Variants in FAF1 observed in about 807,000 individuals in gnomAD.
FAF1 encodes the protein Fas associated factor 1, also known as FAS-associated factor 1.
FAF1 carries 25 observed loss-of-function variants against 92.5 expected under a neutral mutation model. The ratio of observed to expected loss-of-function variants is 0.27; its 90% CI spans 0.20 to 0.38. The LOEUF (loss-of-function observed/expected upper bound fraction) is 0.38. FAF1 is among the 10% of genes least tolerant of loss of function. The pLI is 1.00. For synonymous variants in FAF1, 234 were observed against 273.2 expected (o/e 0.86, Z 1.42); for missense variants, 636 against 793.3 (o/e 0.80, Z 2.38).
chr1:50,663,778 T>C (rs1655500183), intron 7 of FAF1, among the ~76,000 whole-genome samples: 1 of 151,660 alleles, frequency 6.6e-6, no homozygotes, highest in Non-Finnish European at 1.5e-5. Flanking sequence ...TTACTGATAC[T>C]AAAATTCTTT....
chr1:50,540,602 G>A (rs1428756315), intron 13 of FAF1, among the ~76,000 whole-genome samples: 1 of 152,108 alleles, frequency 6.6e-6, no homozygotes, highest in East Asian at 1.9e-4. Context: ...TTCTTAACAC[G>A]ATCTGGAATA....
intron 12 of FAF1, among the ~76,000 whole-genome samples, chr1:50,574,913 T>G (rs1268909962): frequency 7.5e-6 from 1 of 133,534 alleles, no homozygotes; most frequent in African/African-American, 2.9e-5. Flanking sequence ...TTTTTTTTTT[T>G]TTTTTTTTTT....
intron 2 of FAF1, among the ~76,000 whole-genome samples, chr1:50,830,355 C>T (rs1033348600): frequency 6.6e-6 from 1 of 152,186 alleles, no homozygotes; most frequent in Admixed American, 6.5e-5. Flanking sequence ...AGTGATCTGC[C>T]CACCTCAGCC....
intron 8 of FAF1, among the ~76,000 whole-genome samples, chr1:50,640,295 G>GTTT (rs937840700): frequency 7.0e-6 from 1 of 142,094 alleles, no homozygotes; most frequent in Non-Finnish European, 1.5e-5. Context: ...GTTGTGGCAA[G>GTTT]TTTTTTTTTT....
chr1:50,839,662 C>T (rs1031043547), intron 2 of FAF1, among the ~76,000 whole-genome samples: 5 of 152,042 alleles, frequency 3.3e-5, no homozygotes, highest in Admixed American at 1.3e-4. Context: ...AGATGGCTAA[C>T]GAACCTGTTT....
At chr1:50,745,108 T>TGA (rs1659537470) in intron 4 of FAF1, among the ~76,000 whole-genome samples, 1 of 151,916 alleles carries the variant, frequency 6.6e-6, no homozygotes, top group South Asian at 2.1e-4. Context: ...ACCAACATGG[T>TGA]GAAACTCTGT....
intron 8 of FAF1, among the ~76,000 whole-genome samples, chr1:50,607,115 C>T (rs1652465031): frequency 6.6e-6 from 1 of 152,184 alleles, no homozygotes; most frequent in South Asian, 2.1e-4. Context: ...TTTAACTAGC[C>T]TGTAAGCCAC....
rs1263810053 is a variant in FAF1, at chr1:50,959,928, G to T, written c.-117C>A. 3.5e-6 allele frequency: 2 copies of T among 563,840 alleles called. No individual in the cohort carries two copies. Among genetic ancestry groups the T allele is most frequent in the South Asian group, 8.0e-5 (1 of 12,526 alleles). 34.9% of individuals were successfully genotyped at this position (563,840 alleles called of 1,614,324 possible). On this transcript the variant is annotated 5_prime_UTR_variant, in exon 1 of 19. Transcript: ENST00000396153. ...CGCCGCCGGGCGCCGAGGGGCTGGC[G>T]GGCGAGCCGGCGGGCGGGTCGGCGG... is the stretch of plus-strand genomic sequence containing the variant.
chr1:50,537,777 T>G (rs1572817247), intron 14 of FAF1, among the ~76,000 whole-genome samples: 1 of 152,264 alleles, frequency 6.6e-6, no homozygotes, highest in African/African-American at 2.4e-5. Flanking sequence ...CACTAACCAG[T>G]TACAATATAT....
chr1:50,710,716 C>T (rs1300270733), intron 6 of FAF1, among the ~76,000 whole-genome samples: 1 of 151,558 alleles, frequency 6.6e-6, no homozygotes, highest in Non-Finnish European at 1.5e-5. Flanking sequence ...GATTCTCCTG[C>T]CCCAGCCTCC....
chr1:50,689,806 T>G (rs1310032771), intron 7 of FAF1, among the ~76,000 whole-genome samples: 1 of 152,142 alleles, frequency 6.6e-6, no homozygotes, highest in African/African-American at 2.4e-5. Flanking sequence ...CTTAAAAACA[T>G]GCCATTCTAT....
chr1:50,853,323 G>A, intron 2 of FAF1, among the ~76,000 whole-genome samples: 1 of 152,092 alleles, frequency 6.6e-6, no homozygotes, highest in Non-Finnish European at 1.5e-5. Flanking sequence ...CAGATTATGT[G>A]CAGTACAATT....
chr1:50,457,568 A>G (rs1572754359), intron 18 of FAF1, among the ~76,000 whole-genome samples: 1 of 152,062 alleles, frequency 6.6e-6, no homozygotes, highest in East Asian at 1.9e-4. Flanking sequence ...ATCAGATTAG[A>G]TTGTATGTAC....
At chr1:50,549,575 G>T (rs1649201575) in intron 13 of FAF1, among the ~76,000 whole-genome samples, 1 of 151,978 alleles carries the variant, frequency 6.6e-6, no homozygotes. Flanking sequence ...GTCAGTTCAA[G>T]ACCAGCCTGG....
chr1:50,925,807 G>GCACT (rs1409317681), intron 1 of FAF1, among the ~76,000 whole-genome samples: 13 of 152,294 alleles, frequency 8.5e-5, no homozygotes, highest in Admixed American at 2.0e-4. Context: ...GTTTATTGCA[G>GCACT]CACTATTCAT....
Position 50,777,269 on chromosome 1 carries a change from A to T in FAF1, c.367+10731T>A, listed in dbSNP as rs544309958. On this transcript the variant is annotated intron_variant, in intron 4 of 18. Coordinates refer to ENST00000396153, the MANE Select transcript of FAF1 (RefSeq NM_007051.3). ...TCTTCAAAAAGTGAAAAAAAAAAAAATTTGCCAAACATGGTGGCGTGCGCC... is the reference window on the plus strand; with the variant it reads ...TCTTCAAAAAGTGAAAAAAAAAAAATTTTGCCAAACATGGTGGCGTGCGCC... 1.1e-4 allele frequency among the ~76,000 whole-genome samples: 17 copies of T among 151,542 alleles called. 1 individual carries two copies. The highest frequency in any genetic ancestry group is 6.3e-4 in the South Asian group (3 of 4,786).
chr1:50,558,907 G>A (rs889418039), intron 13 of FAF1, among the ~76,000 whole-genome samples: 2 of 152,120 alleles, frequency 1.3e-5, no homozygotes, highest in African/African-American at 4.8e-5. Flanking sequence ...GAGTAAAAAA[G>A]GCTCGTAAAT....
chr1:50,549,774 C>A (rs998268038), intron 13 of FAF1, among the ~76,000 whole-genome samples: 1 of 151,550 alleles, frequency 6.6e-6, no homozygotes, highest in Non-Finnish European at 1.5e-5. Flanking sequence ...GACTCCATCT[C>A]AAAAAACAAA....
chr1:50,452,911 C>T (rs1036854221), intron 18 of FAF1, among the ~76,000 whole-genome samples: 2 of 152,230 alleles, frequency 1.3e-5, no homozygotes, highest in Admixed American at 1.3e-4. Context: ...CCCAACACCA[C>T]ATGGTCTCTT....
Sources: allele counts gnomAD v4.1 joint callset (sites outside exome capture counted in the v4.1 genomes callset), GRCh38; gene constraint gnomAD v4.1.1; transcripts MANE v1.5; gene names NCBI Gene and HGNC (gene_info 2026-07-23, HGNC 2026-07-21).